FOXO1: variants seen among roughly 807,000 people sequenced by gnomAD.
The protein encoded by FOXO1 is forkhead box protein O1.
In FOXO1, 6 loss-of-function variants were observed where a neutral mutation model predicts 44.1. The ratio of observed to expected loss-of-function variants is 0.14; its 90% CI spans 0.07 to 0.27. FOXO1 has a LOEUF of 0.27. Among genes scored for constraint, FOXO1 ranks in the 10% least tolerant of loss-of-function variants. The pLI is 1.00. For synonymous variants in FOXO1, 380 were observed against 362.7 expected, an observed-to-expected ratio of 1.05 and a Z score of -0.54; for missense variants, 737 against 888.8, an observed-to-expected ratio of 0.83 and a Z score of 2.17.
chr13:40,560,052 A>G lies in FOXO1; in HGVS notation c.1439T>C (p.Val480Ala). Residue 480 changes from valine (V) to alanine (A), a missense_variant, in exon 2 of 3, where the codon GTT becomes GCT. Val to Ala is a moderately conservative substitution (Grantham distance 64, BLOSUM62 0). Transcript: ENST00000379561. This position sits in a 1 kb window ranked among gnomAD's most constrained non-coding sequence, Gnocchi z 5.1. ...GTTGGGCTGGGCTACCCCAGGATCA[A>G]CTGGTGTCATAATGTCATTATGGGG... ...SPPHNDIMTP[V>A]DPGVAQPNSR... 6.2e-7 allele frequency: 1 copy of G among 1,614,180 alleles called. No homozygotes were observed. Among genetic ancestry groups the G allele is most frequent in the Non-Finnish European group, 8.5e-7 (1 of 1,180,024 alleles).
At chr13:40,636,517 C>CTT (rs376651061) in intron 1 of FOXO1, among the ~76,000 whole-genome samples, 21,091 of 121,798 alleles carry the variant, frequency 0.17, 2,925 homozygotes, top group East Asian at 0.52. Flanking sequence ...TTTTCAAAAA[C>CTT]TTTTTTTTTT....
At chr13:40,641,186 G>A (rs1877339017) in intron 1 of FOXO1, among the ~76,000 whole-genome samples, 1 of 152,146 alleles carries the variant, frequency 6.6e-6, no homozygotes, top group Non-Finnish European at 1.5e-5. Flanking sequence ...GGCAGTATGT[G>A]TAGGGGGTGA....
chr13:40,612,470 G>T (rs1447192318), intron 1 of FOXO1, among the ~76,000 whole-genome samples: 1 of 152,232 alleles, frequency 6.6e-6, no homozygotes. Flanking sequence ...AGACTTGTGT[G>T]TGTGTTACAC....
chr13:40,610,597 G>A (rs961908412), intron 1 of FOXO1, among the ~76,000 whole-genome samples: 9 of 152,150 alleles, frequency 5.9e-5, no homozygotes, highest in Admixed American at 4.6e-4. Flanking sequence ...GCTCATTGTG[G>A]CTCACTTAAC....
intron 1 of FOXO1, among the ~76,000 whole-genome samples, chr13:40,607,783 A>G (rs765966147): frequency 6.6e-6 from 1 of 152,284 alleles, no homozygotes; most frequent in Admixed American, 6.5e-5. Flanking sequence ...TACAGATAAG[A>G]AATCAAACCT....
At chr13:40,626,443 T>A (rs907436079) in intron 1 of FOXO1, among the ~76,000 whole-genome samples, 3 of 152,234 alleles carry the variant, frequency 2.0e-5, no homozygotes, top group Non-Finnish European at 2.9e-5. Flanking sequence ...CACACTGAAA[T>A]GTTCTCTAGT....
chr13:40,662,765 C>G (rs1164269421), intron 1 of FOXO1, among the ~76,000 whole-genome samples: 1 of 152,212 alleles, frequency 6.6e-6, no homozygotes, highest in African/African-American at 2.4e-5. Flanking sequence ...TAGTAAATCA[C>G]AGGAAATATT....
intron 1 of FOXO1, among the ~76,000 whole-genome samples, chr13:40,639,688 A>G (rs1877285980): frequency 6.6e-6 from 1 of 152,218 alleles, no homozygotes; most frequent in African/African-American, 2.4e-5. Flanking sequence ...TAATCACTAG[A>G]TGCCAGTAGC....
chr13:40,633,059 A>G (rs1877021884), intron 1 of FOXO1, among the ~76,000 whole-genome samples: 1 of 152,250 alleles, frequency 6.6e-6, no homozygotes, highest in Non-Finnish European at 1.5e-5. Flanking sequence ...AATTACAGTG[A>G]TACCACTTCA....
At chr13:40,637,528 T>C (rs916483387) in intron 1 of FOXO1, among the ~76,000 whole-genome samples, 6 of 151,778 alleles carry the variant, frequency 4.0e-5, no homozygotes, top group Non-Finnish European at 7.4e-5. Flanking sequence ...AGCTATCAAA[T>C]TTTAACCAAC....
chr13:40,559,971 T>G lies in FOXO1; in HGVS notation c.1520A>C (p.Tyr507Ser). 1 of 1,614,130 alleles carries G rather than the reference T, an allele frequency of 6.2e-7. No individual in the cohort carries two copies. Among genetic ancestry groups the G allele is most frequent in the Non-Finnish European group, 8.5e-7 (1 of 1,180,028 alleles). Residue 507 changes from tyrosine (Y) to serine (S), a missense_variant, in exon 2 of 3, where the codon TAT (tyrosine) becomes TCT (serine). Tyr to Ser is a moderately radical substitution (Grantham distance 144, BLOSUM62 -2). Transcript: ENST00000379561. ...MMGPNSVMST[Y>S]GSQASHNKMM... ...TTTGTTATGAGATGCCTGGCTGCCA[T>G]AGGTTGACATGACCGAATTAGGGCC...
chr13:40,637,544 A>T (rs1877203902), intron 1 of FOXO1, among the ~76,000 whole-genome samples: 1 of 152,088 alleles, frequency 6.6e-6, no homozygotes, highest in East Asian at 1.9e-4. Flanking sequence ...CCAACTCAAA[A>T]AATGTCAGCC....
At chr13:40,662,611 T>C (rs1337584400) in intron 1 of FOXO1, among the ~76,000 whole-genome samples, 1 of 152,202 alleles carries the variant, frequency 6.6e-6, no homozygotes. Context: ...CACTTAACTA[T>C]CTAAAGAATG....
At chr13:40,601,369 C>T (rs1875808859) in intron 1 of FOXO1, among the ~76,000 whole-genome samples, 1 of 152,154 alleles carries the variant, frequency 6.6e-6, no homozygotes, top group South Asian at 2.1e-4. Context: ...TAATCAAAAA[C>T]AAGCTGGCAA....
At chr13:40,626,252 A>G (rs1876782205) in intron 1 of FOXO1, among the ~76,000 whole-genome samples, 1 of 152,266 alleles carries the variant, frequency 6.6e-6, no homozygotes, top group Non-Finnish European at 1.5e-5. Flanking sequence ...AACTAATTCC[A>G]CTTCTCAAAA....
intron 1 of FOXO1, among the ~76,000 whole-genome samples, chr13:40,663,956 G>A (rs1042731573): frequency 6.6e-6 from 1 of 152,200 alleles, no homozygotes; most frequent in African/African-American, 2.4e-5. Context: ...CAATATGAGA[G>A]GCGAAGAAAG....
chr13:40,634,803 G>C (rs113762195), intron 1 of FOXO1, among the ~76,000 whole-genome samples: 3 of 151,798 alleles, frequency 2.0e-5, no homozygotes, highest in African/African-American at 7.3e-5. Flanking sequence ...CCTCAGCCCC[G>C]AGTAGCTGGG....
In FOXO1 at chr13:40,666,344, G is replaced by A; in HGVS notation, c.-132C>T. ...AACGAAGCCGGTGCGGCGAGCGGAC[G>A]GAAACTGGGAGGAAGGCGCGGCGGA... On this transcript the variant is annotated 5_prime_UTR_variant, in exon 1 of 3. Transcript: ENST00000379561. 1 of 690,710 alleles carries A rather than the reference G, an allele frequency of 1.4e-6. No homozygotes were observed. The highest frequency in any genetic ancestry group is 2.1e-6 in the Non-Finnish European group (1 of 468,224). The allele number at this position is 690,710 out of a possible 1,614,324, so 42.8% of individuals were successfully genotyped here. A position where few individuals can be genotyped will look rare whatever the true frequency, so the allele number is the denominator to read the frequency against.
At chr13:40,577,685 A>G (rs1268911557) in intron 1 of FOXO1, among the ~76,000 whole-genome samples, 2 of 152,168 alleles carry the variant, frequency 1.3e-5, no homozygotes, top group Non-Finnish European at 2.9e-5. Flanking sequence ...AACTAAGTAA[A>G]CTAATCACCT....
Sources: gnomAD v4.1 joint callset for allele counts (sites outside exome capture counted in the v4.1 genomes callset) on GRCh38, gnomAD v4.1.1 for gene constraint, Gnocchi (gnomAD v3.1) non-coding constraint, MANE v1.5 for transcripts, NCBI Gene and HGNC (gene_info 2026-07-23, HGNC 2026-07-21) for gene names.